PTPRD: variants seen among roughly 807,000 people sequenced by gnomAD.
PTPRD encodes the protein receptor-type tyrosine-protein phosphatase delta.
In PTPRD, 34 loss-of-function variants were observed where a neutral mutation model predicts 214.5. The ratio of observed to expected loss-of-function variants is 0.16; its 90% CI spans 0.12 to 0.21. The LOEUF is 0.21. PTPRD is among the 10% of genes least tolerant of loss of function. PTPRD has a pLI of 1.00. For missense variants in PTPRD, 2,545 were observed against 2,398.7 expected, an observed-to-expected ratio of 1.06 and a Z score of -1.27; for synonymous variants, 1,128 against 845.7, an observed-to-expected ratio of 1.33 and a Z score of -5.79.
intron 7 of PTPRD, among the ~76,000 whole-genome samples, chr9:9,733,546 G>C (rs553938267): frequency 6.6e-6 from 1 of 152,270 alleles, no homozygotes; most frequent in East Asian, 1.9e-4. Flanking sequence ...AATCCTGAAA[G>C]CATTTGGTTT....
intron 3 of PTPRD, among the ~76,000 whole-genome samples, chr9:10,048,709 T>C (rs2097455883): frequency 6.6e-6 from 1 of 152,088 alleles, no homozygotes; most frequent in Admixed American, 6.6e-5. Context: ...CATTCATATA[T>C]TTAATCCTCT....
intron 10 of PTPRD, among the ~76,000 whole-genome samples, chr9:9,123,001 C>T (rs1011671749): frequency 6.6e-6 from 1 of 152,104 alleles, no homozygotes; most frequent in East Asian, 1.9e-4. Context: ...CACTTAAATT[C>T]ACTGTTTTTG....
intron 10 of PTPRD, among the ~76,000 whole-genome samples, chr9:9,180,870 A>C (rs2099927804): frequency 6.6e-6 from 1 of 152,154 alleles, no homozygotes; most frequent in South Asian, 2.1e-4. Context: ...TCATGTCTTA[A>C]AAATTTTTGT....
intron 5 of PTPRD, among the ~76,000 whole-genome samples, chr9:9,898,539 C>T (rs1181008567): frequency 3.3e-5 from 5 of 152,040 alleles, no homozygotes; most frequent in Non-Finnish European, 5.9e-5. Flanking sequence ...CTAGATTACG[C>T]TCTAGATGCG....
intron 12 of PTPRD, among the ~76,000 whole-genome samples, chr9:8,731,469 A>C (rs2098658144): frequency 6.6e-6 from 1 of 152,218 alleles, no homozygotes; most frequent in Non-Finnish European, 1.5e-5. Context: ...CCCAGGCAAT[A>C]AAAGCCTGAA....
intron 12 of PTPRD, among the ~76,000 whole-genome samples, chr9:8,729,693 T>C (rs1182629282): frequency 6.6e-6 from 1 of 152,126 alleles, no homozygotes; most frequent in African/African-American, 2.4e-5. Flanking sequence ...TTGATCAAAA[T>C]GACAAAGATA....
chr9:8,673,171 T>C (rs149349618), intron 12 of PTPRD, among the ~76,000 whole-genome samples: 3 of 152,252 alleles, frequency 2.0e-5, no homozygotes, highest in Non-Finnish European at 2.9e-5. Flanking sequence ...TCTCAAAGTA[T>C]TTTTCTCTAT....
At chr9:8,430,527 G>T (rs2094975220) in intron 35 of PTPRD, among the ~76,000 whole-genome samples, 1 of 151,542 alleles carries the variant, frequency 6.6e-6, no homozygotes, top group Non-Finnish European at 1.5e-5. Context: ...TCTGCCCGCA[G>T]CGTCCTCCCA....
intron 3 of PTPRD, among the ~76,000 whole-genome samples, chr9:10,157,987 C>G (rs1646478352): frequency 7.0e-6 from 1 of 143,520 alleles, no homozygotes. Flanking sequence ...TCAACCCTAT[C>G]AAGTTGTTTA....
chr9:10,006,232 G>C (rs998737932), intron 4 of PTPRD, among the ~76,000 whole-genome samples: 40 of 152,064 alleles, frequency 2.6e-4, no homozygotes, highest in African/African-American at 9.2e-4. Context: ...ATTTACATCA[G>C]TTCCCTGCTA....
chr9:9,815,290 G>A (rs1030109844), intron 5 of PTPRD, among the ~76,000 whole-genome samples: 4 of 151,986 alleles, frequency 2.6e-5, no homozygotes, highest in African/African-American at 7.3e-5. Flanking sequence ...TTCAATAAAT[G>A]GTGCCTGGAA....
intron 12 of PTPRD, among the ~76,000 whole-genome samples, chr9:8,658,500 T>C (rs753867167): frequency 1.3e-5 from 2 of 152,154 alleles, no homozygotes; most frequent in Non-Finnish European, 2.9e-5. Context: ...AAAGATATTT[T>C]TCTATTAGTA....
chr9:8,535,177 T>C (rs2076626158), intron 14 of PTPRD, among the ~76,000 whole-genome samples: 1 of 151,956 alleles, frequency 6.6e-6, no homozygotes, highest in Non-Finnish European at 1.5e-5. Flanking sequence ...AGTAAAATAC[T>C]AGCATATATG....
intron 2 of PTPRD, among the ~76,000 whole-genome samples, chr9:10,570,998 C>A (rs2067253276): frequency 1.3e-5 from 2 of 151,672 alleles, no homozygotes; most frequent in African/African-American, 2.4e-5. Context: ...GCAGAATATA[C>A]CAGAAGGTCA....
chr9:8,759,899 G>A (rs980035138), intron 11 of PTPRD, among the ~76,000 whole-genome samples: 6 of 152,046 alleles, frequency 3.9e-5, no homozygotes, highest in African/African-American at 1.4e-4. Context: ...TGTATGCTTC[G>A]ATTTACTATC....
rs528246262 is a variant in PTPRD at position 9,969,167 on chromosome 9, G to A, written c.-471-30557C>T. Among the ~76,000 whole-genome samples, 8 of 152,296 alleles carry A rather than the reference G, an allele frequency of 5.3e-5. No individual in the cohort carries two copies. In the South Asian group the frequency reaches 1.7e-3, roughly 32 times the overall value. ...ACCTGAGGTTACATAGAAATTAGGT[G>A]AAAGGATGAGAGCTGAGGATAGGAT... On this transcript the variant is annotated intron_variant, in intron 4 of 45. Coordinates refer to ENST00000381196, the MANE Select transcript of PTPRD (RefSeq NM_002839.4).
chr9:10,360,543 G>C (rs1294129856), intron 2 of PTPRD, among the ~76,000 whole-genome samples: 4 of 152,198 alleles, frequency 2.6e-5, no homozygotes, highest in African/African-American at 4.8e-5. Flanking sequence ...AGTTGTCAGA[G>C]AGTGTGAGAA....
chr9:9,251,638 G>A (rs1328712743), intron 9 of PTPRD, among the ~76,000 whole-genome samples: 1 of 151,666 alleles, frequency 6.6e-6, no homozygotes, highest in South Asian at 2.1e-4. Flanking sequence ...ATTATTTTTT[G>A]TATTTTACAC....
chr9:9,776,590 C>A (rs974926725), intron 5 of PTPRD, among the ~76,000 whole-genome samples: 2 of 151,988 alleles, frequency 1.3e-5, no homozygotes, highest in African/African-American at 4.8e-5. Flanking sequence ...GCTCTTTTTG[C>A]ATGTGTTGAA....
Sources: allele counts gnomAD v4.1 joint callset (sites outside exome capture counted in the v4.1 genomes callset), GRCh38; gene constraint gnomAD v4.1.1; transcripts MANE v1.5; gene names NCBI Gene and HGNC (gene_info 2026-07-23, HGNC 2026-07-21).